MINDY3: variants seen among roughly 807,000 people sequenced by gnomAD.
MINDY3 encodes the protein MINDY lysine 48 deubiquitinase 3.
MINDY3 carries 38 observed loss-of-function variants against 69.2 expected under a neutral mutation model. The observed-to-expected ratio is 0.55, with a 90% CI of 0.42 to 0.72. MINDY3 has a LOEUF of 0.72. Among genes scored for constraint, MINDY3 ranks in the 30% least tolerant of loss-of-function variants. The pLI, the probability that MINDY3 is intolerant of heterozygous loss-of-function variation, is 0.00. For missense variants in MINDY3, 522 were observed against 519.0 expected, an observed-to-expected ratio of 1.01 and a Z score of -0.06; for synonymous variants, 192 against 180.1, an observed-to-expected ratio of 1.07 and a Z score of -0.53.
chr10:15,825,424 G>C (rs1192191775), intron 8 of MINDY3, among the ~76,000 whole-genome samples: 1 of 152,110 alleles, frequency 6.6e-6, no homozygotes, highest in African/African-American at 2.4e-5. Context: ...TGCCCAGGTT[G>C]GTTTCAAACT....
At chr10:15,801,791 ACT>A (rs1322426180) in intron 10 of MINDY3, among the ~76,000 whole-genome samples, 3 of 152,056 alleles carry the variant, frequency 2.0e-5, no homozygotes, top group Non-Finnish European at 4.4e-5. Context: ...GCTAGAGAAC[ACT>A]GTGTCCAGAT....
At chr10:15,807,329 A>G (rs1016999176) in intron 10 of MINDY3, among the ~76,000 whole-genome samples, 7 of 152,176 alleles carry the variant, frequency 4.6e-5, no homozygotes, top group African/African-American at 1.7e-4. Context: ...AAAGAACAGG[A>G]GCAACAAGAG....
In MINDY3 at chr10:15,836,884, A is replaced by T. The variant is rs777258804; in HGVS notation, c.576+320T>A. ...AAAAAAAAAATCAAGAAATGGAATC[A>T]AGGTCAAAAACAGCTTCCAGAAGGG... On this transcript the variant is annotated intron_variant, in intron 6 of 14. Transcript: ENST00000277632. 2.0e-5 allele frequency among the ~76,000 whole-genome samples: 3 copies of T among 151,904 alleles called. 1 individual carries two copies. The South Asian group carries it at 6.2e-4, about 31-fold the overall frequency.
rs181321686 is a variant in MINDY3, at chr10:15,820,927, T to C, written c.801+729A>G. Among the ~76,000 whole-genome samples, 7 of 152,238 alleles carry C rather than the reference T, an allele frequency of 4.6e-5. No individual in the cohort carries two copies. In the East Asian group the frequency reaches 7.7e-4, roughly 17 times the overall value. ...GAGTTTGAGACCAGCCTGGGCAACA[T>C]AGCAAGACCCTGTCTCTATTTAAAA... On this transcript the variant is annotated intron_variant, in intron 9 of 14. Transcript: ENST00000277632.
chr10:15,850,920 C>T (rs533007283), intron 1 of MINDY3, among the ~76,000 whole-genome samples: 27 of 152,266 alleles, frequency 1.8e-4, no homozygotes, highest in African/African-American at 6.5e-4. Context: ...CTTTATTTCT[C>T]AGACCAGCCA....
intron 1 of MINDY3, among the ~76,000 whole-genome samples, chr10:15,854,641 G>A (rs1834561635): frequency 1.3e-5 from 2 of 151,924 alleles, no homozygotes; most frequent in African/African-American, 4.8e-5. Flanking sequence ...GAATGAGAAG[G>A]GTACAGAATT....
Position 15,796,191 on chromosome 10 carries a change from T to C in MINDY3, c.883-19A>G. 1.2e-6 allele frequency: 2 copies of C among 1,600,036 alleles called. No homozygotes were observed. The highest frequency in any genetic ancestry group is 2.7e-5 in the African/African-American group (2 of 74,718). Reference sequence around the variant, plus strand: ...CCATATCCTGAAAAGATAAGAAGCATGTTGTCAACCAGCTACAGTATTATG... The same window carrying C: ...CCATATCCTGAAAAGATAAGAAGCACGTTGTCAACCAGCTACAGTATTATG... On this transcript the variant is annotated intron_variant, in intron 10 of 14. Coordinates refer to ENST00000277632, the MANE Select transcript of MINDY3 (RefSeq NM_024948.4).
intron 8 of MINDY3, among the ~76,000 whole-genome samples, chr10:15,830,183 C>G (rs1840360235): frequency 6.6e-6 from 1 of 152,120 alleles, no homozygotes; most frequent in East Asian, 1.9e-4. Context: ...CTATAAAGGG[C>G]AGTTACAACT....
Position 15,853,975 on chromosome 10 carries a change from C to T in MINDY3, c.95-6032G>A, listed in dbSNP as rs554233708. Among the ~76,000 whole-genome samples the T allele has an allele frequency of 1.0e-3, 157 of 152,190 alleles. 1 individual carries two copies. Among genetic ancestry groups the T allele is most frequent in the African/African-American group, 3.7e-3 (153 of 41,556 alleles). On this transcript the variant is annotated intron_variant, in intron 1 of 14. Transcript: ENST00000277632. ...ATTGTTCCGATGACATCACTGGTAA[C>T]AGAAACAAACGTGACTTCTGGTATG...
At chr10:15,858,742 A>T (rs1296112465) in intron 1 of MINDY3, among the ~76,000 whole-genome samples, 26 of 152,224 alleles carry the variant, frequency 1.7e-4, no homozygotes, top group Admixed American at 1.7e-3. Context: ...AACAGGGCTG[A>T]ATATTATCTT....
intron 10 of MINDY3, among the ~76,000 whole-genome samples, chr10:15,812,889 A>G (rs1190509736): frequency 6.6e-6 from 1 of 152,106 alleles, no homozygotes; most frequent in Non-Finnish European, 1.5e-5. Context: ...TCCGCTGCCA[A>G]TCCAATCCAT....
chr10:15,841,062 G>A (rs981837423), intron 4 of MINDY3, among the ~76,000 whole-genome samples: 1 of 151,244 alleles, frequency 6.6e-6, no homozygotes, highest in African/African-American at 2.4e-5. Flanking sequence ...GAAATCTTCT[G>A]ATGTCCAAAA....
chr10:15,786,399 G>A (rs1162459111), intron 13 of MINDY3, among the ~76,000 whole-genome samples, 162 bp downstream of exon 13: 2 of 152,036 alleles, frequency 1.3e-5, no homozygotes, highest in Non-Finnish European at 2.9e-5. Context: ...TACCGTATTC[G>A]AACACACATT....
chr10:15,832,617 T>C (rs1016794926), intron 8 of MINDY3, among the ~76,000 whole-genome samples: 12 of 152,202 alleles, frequency 7.9e-5, no homozygotes, highest in Non-Finnish European at 1.5e-4. Context: ...AAAACTTGGC[T>C]CTCATTCTAA....
intron 8 of MINDY3, among the ~76,000 whole-genome samples, chr10:15,823,893 G>A (rs898759683): frequency 6.6e-5 from 10 of 152,088 alleles, no homozygotes; most frequent in East Asian, 1.9e-4. Context: ...AAGTAAGAGC[G>A]TGTGATTTTG....
At chr10:15,813,762 A>G (rs2131965265) in intron 10 of MINDY3, among the ~76,000 whole-genome samples, 1 of 152,320 alleles carries the variant, frequency 6.6e-6, no homozygotes, top group East Asian at 1.9e-4. Flanking sequence ...GCATTTCACA[A>G]CGCCAAATTA....
At chr10:15,841,148 G>C (rs1263692272) in intron 4 of MINDY3, among the ~76,000 whole-genome samples, 1 of 151,078 alleles carries the variant, frequency 6.6e-6, no homozygotes, top group African/African-American at 2.4e-5. Flanking sequence ...CTAAATAAGA[G>C]TTCTAAAGCT....
At chr10:15,857,934 G>C in intron 1 of MINDY3, 2 of 984,854 alleles carry the variant, frequency 2.0e-6, no homozygotes, top group Non-Finnish European at 1.2e-6. Context: ...AAACTAATGA[G>C]ACTGCAGTTG....
rs1376006786 is a variant in MINDY3 at position 15,779,138 on chromosome 10, T to C, written c.1192A>G (p.Met398Val). The C allele has an allele frequency of 6.2e-7, 1 of 1,612,350 alleles. No homozygotes were observed. The highest frequency in any genetic ancestry group is 1.1e-5 in the South Asian group (1 of 90,748). Reference sequence around the variant, plus strand: ...ACAACTGCAGTCCCTTCTACGTACATGACCTGTTGAACAAAATAAAGCCAC... The same window carrying C: ...ACAACTGCAGTCCCTTCTACGTACACGACCTGTTGAACAAAATAAAGCCAC... ...LKQSNYNEKV[M>V]YVEGTAVVMG... The change falls in exon 15 of 15, where the codon ATG (methionine) becomes GTG (valine). Residue 398 changes from methionine to valine, a missense_variant. By Grantham distance (21) the Met-to-Val change is conservative (BLOSUM62 1). Transcript: ENST00000277632.
Sources: allele counts gnomAD v4.1 joint callset (sites outside exome capture counted in the v4.1 genomes callset), GRCh38; gene constraint gnomAD v4.1.1; transcripts MANE v1.5; gene names NCBI Gene and HGNC (gene_info 2026-07-23, HGNC 2026-07-21).